Variants in TRAPPC9 observed in about 807,000 individuals in gnomAD.
The protein encoded by TRAPPC9 is trafficking protein particle complex subunit 9, also known as IKK2 binding protein.
A neutral mutation model predicts 124.0 loss-of-function variants in TRAPPC9; 83 were observed. That is an observed-to-expected ratio of 0.67 (90% CI 0.56 to 0.80). TRAPPC9 has a LOEUF of 0.80. Ranked by LOEUF, TRAPPC9 falls within the 30% of genes least tolerant of loss-of-function variation. The pLI, the probability that TRAPPC9 is intolerant of heterozygous loss-of-function variation, is 0.00. For missense variants in TRAPPC9, 1,302 were observed against 1,508.3 expected (o/e 0.86, Z 2.27); for synonymous variants, 638 against 617.5 (o/e 1.03, Z -0.49).
At chr8:140,455,331 C>T (rs1435158165) in intron 1 of TRAPPC9, among the ~76,000 whole-genome samples, 1 of 150,958 alleles carries the variant, frequency 6.6e-6, no homozygotes, top group African/African-American at 2.4e-5. Flanking sequence ...TAGGGTTTTG[C>T]CATGTTGTCC....
At chr8:139,862,230 T>C (rs1192730333) in intron 21 of TRAPPC9, among the ~76,000 whole-genome samples, 5 of 152,388 alleles carry the variant, frequency 3.3e-5, no homozygotes, top group African/African-American at 1.2e-4. Flanking sequence ...CCTGTGTTGC[T>C]TCACAAAAGG....
intron 18 of TRAPPC9, among the ~76,000 whole-genome samples, chr8:140,009,558 A>ACC (rs1055265516): frequency 6.6e-6 from 1 of 152,184 alleles, no homozygotes; most frequent in African/African-American, 2.4e-5. Flanking sequence ...CCTTGGAGCC[A>ACC]CCACACCTCC....
intron 9 of TRAPPC9, among the ~76,000 whole-genome samples, chr8:140,347,747 T>C (rs1370913470): frequency 1.3e-5 from 2 of 152,228 alleles, no homozygotes; most frequent in Non-Finnish European, 2.9e-5. Context: ...TTAAATAAAA[T>C]TCTCCTTACC....
Position 140,371,183 on chromosome 8 carries a change from G to A in TRAPPC9, c.1135-3C>T, listed in dbSNP as rs778681459. On this transcript the variant is annotated splice_region_variant and splice_polypyrimidine_tract_variant and intron_variant, in intron 7 of 22. Transcript: ENST00000438773. ...TGAATTTTCTCTTCCTCAGAAAGCT[G>A]AAGCACAGAGAGAAAGTAAAAAGCT... 49 of 1,607,382 alleles carry A rather than the reference G, an allele frequency of 3.0e-5. No homozygotes were observed. Among genetic ancestry groups the A allele is most frequent in the Non-Finnish European group, 4.0e-5 (47 of 1,176,676 alleles).
chr8:140,411,320 A>G (rs1047010356), intron 5 of TRAPPC9, among the ~76,000 whole-genome samples: 2 of 152,186 alleles, frequency 1.3e-5, no homozygotes, highest in South Asian at 4.1e-4. Context: ...TGGAACAGGG[A>G]AAGTACAAAA....
At chr8:139,922,466 G>C (rs1263122128) in intron 19 of TRAPPC9, among the ~76,000 whole-genome samples, 1 of 152,268 alleles carries the variant, frequency 6.6e-6, no homozygotes. Context: ...ACAGGCGTGA[G>C]CCACCGCTCC....
chr8:139,896,112 C>T (rs957242774), intron 20 of TRAPPC9, among the ~76,000 whole-genome samples: 5 of 152,376 alleles, frequency 3.3e-5, no homozygotes, highest in African/African-American at 9.6e-5. Context: ...TAATTACCTG[C>T]ATGCATATCC....
chr8:140,357,087 C>G (rs556357099), intron 9 of TRAPPC9, among the ~76,000 whole-genome samples: 1 of 152,300 alleles, frequency 6.6e-6, no homozygotes, highest in African/African-American at 2.4e-5. Flanking sequence ...GAGGTTTTCT[C>G]CCATGGAGGG....
chr8:139,765,913 G>A (rs1412663000), intron 21 of TRAPPC9, among the ~76,000 whole-genome samples: 2 of 152,206 alleles, frequency 1.3e-5, no homozygotes, highest in African/African-American at 4.8e-5. Context: ...GGTGGCACAC[G>A]TAGGTAGGCT....
intron 19 of TRAPPC9, among the ~76,000 whole-genome samples, chr8:139,965,789 C>CAGAGACGCATCACACGGGGG (rs1835668197): frequency 3.9e-5 from 6 of 152,104 alleles, no homozygotes; most frequent in East Asian, 1.9e-4. Flanking sequence ...CCATGTTGAG[C>CAGAGACGCATCACACGGGGG]AGAGTTGGCT....
intron 9 of TRAPPC9, among the ~76,000 whole-genome samples, chr8:140,346,253 C>G (rs536510548): frequency 6.6e-6 from 1 of 152,164 alleles, no homozygotes; most frequent in Non-Finnish European, 1.5e-5. Flanking sequence ...CCCAGTTGCT[C>G]CATCTCCCCA....
chr8:140,142,545 T>C (rs976665579), intron 17 of TRAPPC9, among the ~76,000 whole-genome samples: 2 of 152,216 alleles, frequency 1.3e-5, no homozygotes, highest in African/African-American at 4.8e-5. Context: ...CTGGACTGAA[T>C]AGCTGCTCCC....
At chr8:139,925,212 T>C (rs1832736311) in intron 19 of TRAPPC9, among the ~76,000 whole-genome samples, 2 of 152,012 alleles carry the variant, frequency 1.3e-5, no homozygotes, top group Non-Finnish European at 2.9e-5. Context: ...TCCTCCACAG[T>C]GTGGAAAAAA....
chr8:140,426,773 T>C, intron 4 of TRAPPC9, 132 bp from the exon 5 acceptor site: 1 of 847,946 alleles, frequency 1.2e-6, no homozygotes, highest in South Asian at 1.5e-5. Flanking sequence ...GAAAAGCAAT[T>C]CTGAGGAACA....
At chr8:140,447,943 G>A (rs1172280836) in intron 2 of TRAPPC9, among the ~76,000 whole-genome samples, 2 of 151,952 alleles carry the variant, frequency 1.3e-5, no homozygotes, top group Non-Finnish European at 2.9e-5. Context: ...TCAGGAGTTC[G>A]AGACCAGCCT....
intron 7 of TRAPPC9, among the ~76,000 whole-genome samples, chr8:140,393,032 T>TTTATTTTTATTTTA (rs2068973719): frequency 7.2e-6 from 1 of 138,024 alleles, no homozygotes; most frequent in Non-Finnish European, 1.6e-5. Context: ...TCCCATTTTA[T>TTTATTTTTATTTTA]TTTTATTTTA....
chr8:140,452,500 T>G (rs2071501486), intron 1 of TRAPPC9, among the ~76,000 whole-genome samples: 1 of 151,354 alleles, frequency 6.6e-6, no homozygotes, highest in Admixed American at 6.6e-5. Flanking sequence ...AGGTTGCGAA[T>G]GTAAAGGGCC....
At position 139,776,573 on chromosome 8, in the gene TRAPPC9, C is replaced by T. The variant is rs937564124; in HGVS notation, c.3056-44371G>A. Among the ~76,000 whole-genome samples, 8 of 152,150 alleles carry T rather than the reference C, an allele frequency of 5.3e-5. No individual in the cohort carries two copies. Among genetic ancestry groups the T allele is most frequent in the Admixed American group, 1.3e-4 (2 of 15,272 alleles). ...CACAGCTGACCACCCAGGCCTCATT[C>T]GCAGCTGTGTTCTGAACCTGGACTC... is the stretch of plus-strand genomic sequence containing the variant. On this transcript the variant is annotated intron_variant, in intron 21 of 22. Coordinates refer to ENST00000438773, the MANE Select transcript of TRAPPC9 (RefSeq NM_001160372.4). This position sits in a 1 kb window ranked among gnomAD's most constrained non-coding sequence, Gnocchi z 4.1.
chr8:139,976,902 G>C (rs1356320217), intron 19 of TRAPPC9, among the ~76,000 whole-genome samples: 1 of 152,164 alleles, frequency 6.6e-6, no homozygotes, highest in Non-Finnish European at 1.5e-5. Flanking sequence ...GGAGACACAG[G>C]GTCCCCGAGA....
Sources: allele counts gnomAD v4.1 joint callset (sites outside exome capture counted in the v4.1 genomes callset), GRCh38; gene constraint gnomAD v4.1.1; non-coding constraint Gnocchi (gnomAD v3.1); transcripts MANE v1.5; gene names NCBI Gene and HGNC (gene_info 2026-07-23, HGNC 2026-07-21).